The following SGTB variants were observed in gnomAD, a reference collection of about 807,000 sequenced individuals.
SGTB encodes the protein small glutamine rich tetratricopeptide repeat co-chaperone beta, also known as small glutamine-rich tetratricopeptide repeat-containing protein beta.
In SGTB, 19 loss-of-function variants were observed where a neutral mutation model predicts 43.9. The ratio of observed to expected loss-of-function variants is 0.43; its 90% CI spans 0.30 to 0.63. The LOEUF (loss-of-function observed/expected upper bound fraction) is 0.63, where lower values mean the gene tolerates loss of function less well. Among genes scored for constraint, SGTB ranks in the 30% least tolerant of loss-of-function variants. The probability of loss-of-function intolerance (pLI) is 0.12; values close to 1 mark genes in which losing one functional copy is unlikely to be tolerated. For synonymous variants in SGTB, 116 were observed against 117.3 expected (o/e 0.99, Z 0.07); for missense variants, 304 against 358.9 (o/e 0.85, Z 1.24).
intron 5 of SGTB, among the ~76,000 whole-genome samples, chr5:65,695,744 A>G (rs188058845): frequency 1.3e-5 from 2 of 152,364 alleles, no homozygotes; most frequent in African/African-American, 4.8e-5. Flanking sequence ...AAATTATGGC[A>G]AAAATCTATT....
At chr5:65,705,632 G>A (rs533186964) in intron 4 of SGTB, among the ~76,000 whole-genome samples, 1 of 152,014 alleles carries the variant, frequency 6.6e-6, no homozygotes, top group East Asian at 1.9e-4. Flanking sequence ...AAATTTCCAA[G>A]GAACAAAAAC....
chr5:65,704,232 T>A, intron 5 of SGTB, 47 bp downstream of exon 5: 3 of 1,358,574 alleles, frequency 2.2e-6, no homozygotes, highest in Non-Finnish European at 3.1e-6. Flanking sequence ...GAGCTATTAA[T>A]CTAAATGTTT....
chr5:65,680,244 T>C (rs1757368192), intron 8 of SGTB, among the ~76,000 whole-genome samples: 1 of 152,184 alleles, frequency 6.6e-6, no homozygotes, highest in African/African-American at 2.4e-5. Context: ...ACCTGGGTAA[T>C]GGGAGGATCT....
chr5:65,673,796 C>G (rs1295816929), intron 8 of SGTB, among the ~76,000 whole-genome samples: 1 of 152,064 alleles, frequency 6.6e-6, no homozygotes, highest in East Asian at 1.9e-4. Flanking sequence ...GCTGGGATTA[C>G]AGGCATGCAC....
intron 6 of SGTB, 123 bp from the exon 7 acceptor site, chr5:65,680,917 T>C (rs570757773): frequency 3.6e-6 from 4 of 1,099,512 alleles, no homozygotes; most frequent in Middle Eastern, 6.1e-4. Context: ...CTTAATTTAT[T>C]CACTGTACTA....
At position 65,722,097 on chromosome 5, in the gene SGTB, G is replaced by C; in HGVS notation, c.-203C>G. On this transcript the variant is annotated 5_prime_UTR_variant, in exon 1 of 11. Coordinates refer to ENST00000381007, the MANE Select transcript of SGTB (RefSeq NM_019072.3). ...ACCCACCAGGCTGTGCTCTCTCTCAGGCGGCAGGGTCTGGCCAGCACCGCC... is the reference window on the plus strand; with the variant it reads ...ACCCACCAGGCTGTGCTCTCTCTCACGCGGCAGGGTCTGGCCAGCACCGCC... 5.8e-6 allele frequency: 1 copy of C among 171,972 alleles called. No individual in the cohort carries two copies. The allele number at this position is 171,972 out of a possible 1,614,324, so 10.7% of individuals were successfully genotyped here.
intron 2 of SGTB, among the ~76,000 whole-genome samples, chr5:65,720,081 C>CTTTTTTTTT (rs11312137): frequency 8.0e-6 from 1 of 124,976 alleles, no homozygotes; most frequent in African/African-American, 3.0e-5. Flanking sequence ...TTTTCTTTTT[C>CTTTTTTTTT]TTTTTTTTTT....
intron 4 of SGTB, among the ~76,000 whole-genome samples, chr5:65,706,622 A>G (rs1757937968): frequency 6.6e-6 from 1 of 152,198 alleles, no homozygotes; most frequent in African/African-American, 2.4e-5. Flanking sequence ...ACCTGAGGTC[A>G]GGAGTTTGAG....
intron 3 of SGTB, among the ~76,000 whole-genome samples, 164 bp from the exon 4 acceptor site, chr5:65,708,722 C>T (rs1322277591): frequency 1.3e-5 from 2 of 151,864 alleles, no homozygotes; most frequent in Admixed American, 1.3e-4. Context: ...GGGGAAAAGT[C>T]CTCTCATATA....
At chr5:65,688,327 G>C (rs1031911494) in intron 5 of SGTB, among the ~76,000 whole-genome samples, 1 of 152,144 alleles carries the variant, frequency 6.6e-6, no homozygotes, top group South Asian at 2.1e-4. Context: ...CCTAGTGTCT[G>C]ATCTATCACT....
rs1315048646 is a variant in SGTB at position 65,720,712 on chromosome 5, C to T, written c.96G>A (p.Leu32=). The change falls in exon 2 of 11, where the codon TTG becomes TTA. Residue 32 remains leucine, a synonymous_variant. Transcript: ENST00000381007. ...ACACAAAGAGCAGATGCATACCTTC[C>T]AAACTTTCTTGTTCATCCGAGGTGT... is the stretch of plus-strand genomic sequence containing the variant. ...DTYTSDEQES[L]EVAIQCLETV... is the part of the protein sequence containing the mutation. 1.2e-6 allele frequency: 2 copies of T among 1,612,612 alleles called. No homozygotes were observed. The highest frequency in any genetic ancestry group is 1.7e-6 in the Non-Finnish European group (2 of 1,179,698).
chr5:65,689,573 T>TA (rs1757567537), intron 5 of SGTB, among the ~76,000 whole-genome samples: 1 of 152,024 alleles, frequency 6.6e-6, no homozygotes, highest in Admixed American at 6.5e-5. Context: ...AGCGAAGGAG[T>TA]AAAGCTACAC....
At chr5:65,706,608 G>A (rs1169120828) in intron 4 of SGTB, among the ~76,000 whole-genome samples, 2 of 152,124 alleles carry the variant, frequency 1.3e-5, no homozygotes, top group Admixed American at 6.6e-5. Flanking sequence ...GAGGTGGGTG[G>A]ATCACCTGAG....
At chr5:65,717,434 A>C (rs963295524) in intron 2 of SGTB, among the ~76,000 whole-genome samples, 17 of 151,778 alleles carry the variant, frequency 1.1e-4, no homozygotes, top group African/African-American at 3.9e-4. Flanking sequence ...AAAATAACTA[A>C]AGTGATATCC....
chr5:65,709,410 C>T (rs1227673080), intron 3 of SGTB, among the ~76,000 whole-genome samples: 2 of 147,530 alleles, frequency 1.4e-5, no homozygotes, highest in Non-Finnish European at 3.0e-5. Flanking sequence ...GATGGAGTCT[C>T]GCTCTTTTGC....
intron 5 of SGTB, among the ~76,000 whole-genome samples, chr5:65,690,947 G>C (rs1413962723): frequency 6.6e-6 from 1 of 152,170 alleles, no homozygotes; most frequent in Non-Finnish European, 1.5e-5. Context: ...TGCATTCAAA[G>C]ACAAATGAAA....
upstream of SGTB, chr5:65,722,442 G>T (rs1212241341): frequency 6.4e-7 from 1 of 1,566,804 alleles, no homozygotes; most frequent in Non-Finnish European, 8.6e-7. Context: ...GTTAACCTTG[G>T]CCGTGGGCAG....
intron 8 of SGTB, among the ~76,000 whole-genome samples, chr5:65,678,965 T>C (rs975022850): frequency 1.3e-5 from 2 of 152,106 alleles, no homozygotes; most frequent in Non-Finnish European, 2.9e-5. Context: ...CCAAAAGCAA[T>C]TGCAACAAAA....
upstream of SGTB, chr5:65,722,343 C>A: frequency 6.5e-7 from 1 of 1,535,118 alleles, no homozygotes. Context: ...AAGGACCACG[C>A]GCCCGCCGCC....
Sources: allele counts gnomAD v4.1 joint callset (sites outside exome capture counted in the v4.1 genomes callset), GRCh38; gene constraint gnomAD v4.1.1; transcripts MANE v1.5; gene names NCBI Gene and HGNC (gene_info 2026-07-23, HGNC 2026-07-21).